ANKRD54: variants seen among roughly 807,000 people sequenced by gnomAD.
The protein encoded by ANKRD54 is ankyrin repeat domain-containing protein 54.
Under a neutral mutation model 36.2 loss-of-function variants are expected in ANKRD54, and 26 were observed. The ratio of observed to expected loss-of-function variants is 0.72; its 90% CI spans 0.53 to 1.00. The LOEUF (loss-of-function observed/expected upper bound fraction) is 1.00. Among genes scored for constraint, ANKRD54 ranks in the 50% least tolerant of loss-of-function variants. ANKRD54 has a pLI of 0.00. For missense variants in ANKRD54, 384 were observed against 424.3 expected (o/e 0.91, Z 0.83); for synonymous variants, 209 against 188.4 (o/e 1.11, Z -0.89).
At chr22:37,832,130 G>A (rs1464863044) in intron 7 of ANKRD54, 113 bp from the exon 8 acceptor site, 10 of 1,009,034 alleles carry the variant, frequency 9.9e-6, no homozygotes, top group South Asian at 3.0e-5. Flanking sequence ...CTCCCAGGGC[G>A]TGTGGTGGCT....
At chr22:37,835,644 A>G (rs1434108274) in intron 3 of ANKRD54, among the ~76,000 whole-genome samples, 1 of 152,032 alleles carries the variant, frequency 6.6e-6, no homozygotes, top group African/African-American at 2.4e-5. Flanking sequence ...CGTCTCTACA[A>G]GATGTTTTAA....
At chr22:37,845,072 A>G, upstream of ANKRD54, among the ~76,000 whole-genome samples, 1 of 152,146 alleles carries the variant, frequency 6.6e-6, no homozygotes, top group South Asian at 2.1e-4. Flanking sequence ...GTACGTGGGA[A>G]AGGGAAAATG....
intron 3 of ANKRD54, among the ~76,000 whole-genome samples, chr22:37,835,334 C>T (rs1387233656): frequency 6.6e-6 from 1 of 151,968 alleles, no homozygotes; most frequent in East Asian, 1.9e-4. Flanking sequence ...TGCACTCCAG[C>T]CTAGGCAACA....
intron 6 of ANKRD54, 103 bp from the exon 7 acceptor site, chr22:37,832,847 T>C (rs1247781267): frequency 6.2e-7 from 1 of 1,604,964 alleles, no homozygotes; most frequent in Non-Finnish European, 8.5e-7. Flanking sequence ...CTGGGGTCAG[T>C]GTGAAACAAC....
intron 7 of ANKRD54, among the ~76,000 whole-genome samples, 158 bp downstream of exon 7, chr22:37,832,479 C>T (rs1168261373): frequency 6.6e-6 from 1 of 152,200 alleles, no homozygotes; most frequent in Non-Finnish European, 1.5e-5. Context: ...CCTCCCACTT[C>T]AGCCTCCCAT....
At position 37,833,332 on chromosome 22, in the gene ANKRD54, C is replaced by A; in HGVS notation, c.548-126G>T. The A allele has an allele frequency of 8.5e-7, 1 of 1,179,764 alleles. No homozygotes were observed. The highest frequency in any genetic ancestry group is 1.3e-5 in the South Asian group (1 of 75,062). 73.1% of individuals were successfully genotyped at this position (1,179,764 alleles called of 1,614,324 possible). The stretch of plus-strand genomic sequence containing the variant: ...CAAGTTATGCCTACTGAGAAGGTAT[C>A]GCCAAGGCACAGCTAGGTAGGACTC... On this transcript the variant is annotated intron_variant, in intron 4 of 7. Transcript: ENST00000215941.
chr22:37,834,373 T>C (rs376290429), intron 3 of ANKRD54: 3 of 152,214 alleles, frequency 2.0e-5, no homozygotes, highest in African/African-American at 7.2e-5. Context: ...CAAAGATTTC[T>C]TAAATAGGTC....
Position 37,831,974 on chromosome 22 carries a change from C to T in ANKRD54, c.872G>A (p.Ser291Asn), listed in dbSNP as rs1201964666. 6.2e-7 allele frequency: 1 copy of T among 1,613,702 alleles called. No homozygotes were observed. Among genetic ancestry groups the T allele is most frequent in the Non-Finnish European group, 8.5e-7 (1 of 1,179,868 alleles). The change falls in exon 8 of 8, where the codon AGT (serine) becomes AAT (asparagine). Residue 291 changes from serine (S) to asparagine (N), a missense_variant. Physicochemically the swap from Ser to Asn is conservative, Grantham distance 46. This residue lies in a region of ANKRD54 where 179 missense variants were observed against 224.0 expected (regional missense o/e 0.80). Coordinates refer to ENST00000215941, the MANE Select transcript of ANKRD54 (RefSeq NM_138797.4). Reference protein sequence around the residue: ...TDLLASFTSLSLQMQSMEKR With the variant: ...TDLLASFTSLNLQMQSMEKR ...CTTCTCCATGCTCTGCATCTGCAGA[C>T]TGAGGGAGGTGAAGCTGGCCAGGAG...
intron 1 of ANKRD54, among the ~76,000 whole-genome samples, chr22:37,842,071 CTTAGG>C (rs1376915965): frequency 6.6e-6 from 1 of 151,148 alleles, no homozygotes; most frequent in Non-Finnish European, 1.5e-5. Context: ...ATTTCTCAAT[CTTAGG>C]TTAAGTTCTA....
chr22:37,848,656 A>C (rs922522378), upstream of ANKRD54: 1 of 152,062 alleles, frequency 6.6e-6, no homozygotes, highest in African/African-American at 2.4e-5. Context: ...TCGGCCTCCC[A>C]AAGTGTAGGG....
At chr22:37,833,794 T>C (rs1172875614) in intron 3 of ANKRD54, 39 bp from the exon 4 acceptor site, 3 of 1,601,300 alleles carry the variant, frequency 1.9e-6, no homozygotes, top group Non-Finnish European at 2.6e-6. Flanking sequence ...GTCGGAGGCT[T>C]CCATTGCCTG....
At chr22:37,836,733 TA>T (rs1224758012) in intron 3 of ANKRD54, among the ~76,000 whole-genome samples, 17 of 144,018 alleles carry the variant, frequency 1.2e-4, no homozygotes, top group Middle Eastern at 3.6e-3. Flanking sequence ...ACTTAAAGTT[TA>T]AAAAAAAAAA....
At chr22:37,833,977 C>T (rs2145960020) in intron 3 of ANKRD54, 1 of 541,178 alleles carries the variant, frequency 1.8e-6, no homozygotes, top group Non-Finnish European at 3.4e-6. Context: ...GGCCTCTTGG[C>T]CTATGCAGGT....
At chr22:37,832,597 C>T in intron 7 of ANKRD54, 40 bp downstream of exon 7, 16 of 1,593,562 alleles carry the variant, frequency 1.0e-5, no homozygotes, top group Non-Finnish European at 1.2e-5. Context: ...CCCTGAGGCT[C>T]CTGCCAGGCC....
chr22:37,849,328 G>C (rs769973072), upstream of ANKRD54: 12 of 1,224,486 alleles, frequency 9.8e-6, no homozygotes, highest in Non-Finnish European at 1.5e-5. Context: ...CAGATGGCCA[G>C]AGGCCTCGGA....
At chr22:37,843,138 C>T (rs990598826) in intron 1 of ANKRD54, among the ~76,000 whole-genome samples, 3 of 152,190 alleles carry the variant, frequency 2.0e-5, no homozygotes, top group Non-Finnish European at 2.9e-5. Context: ...AAAACTAGGG[C>T]TGAGGCCGGG....
At chr22:37,832,222 A>G (rs1922970726) in intron 7 of ANKRD54, among the ~76,000 whole-genome samples, 1 of 152,090 alleles carries the variant, frequency 6.6e-6, no homozygotes, top group South Asian at 2.1e-4. Flanking sequence ...GGCCATGAAC[A>G]CACACTAGCC....
chr22:37,842,890 T>C (rs946655622), intron 1 of ANKRD54, among the ~76,000 whole-genome samples: 1 of 152,342 alleles, frequency 6.6e-6, no homozygotes, highest in South Asian at 2.1e-4. Context: ...GAGGAGAAGT[T>C]TGAGTCGGGC....
In ANKRD54 at chr22:37,831,655, G is replaced by A. The variant is rs1322915048; in HGVS notation, c.*288C>T. 2.3e-5 allele frequency: 11 copies of A among 469,116 alleles called. 1 individual carries two copies. Among genetic ancestry groups the A allele is most frequent in the East Asian group, 1.8e-4 (5 of 27,788 alleles). The allele number at this position is 469,116 out of a possible 1,614,324, so 29.1% of individuals were successfully genotyped here. On this transcript the variant is annotated 3_prime_UTR_variant, in exon 8 of 8. Coordinates refer to ENST00000215941, the MANE Select transcript of ANKRD54 (RefSeq NM_138797.4). ...GGCAAGTGAGGTCTGCTGAGATAGC[G>A]CAGGTCTGCGGAGCTGAAGTGCAGC...
Sources: gnomAD v4.1 joint callset for allele counts (sites outside exome capture counted in the v4.1 genomes callset) on GRCh38, gnomAD v4.1.1 for gene constraint, gnomAD v4.1.1 regional missense constraint, MANE v1.5 for transcripts, NCBI Gene and HGNC (gene_info 2026-07-23, HGNC 2026-07-21) for gene names.